DDB2: variants seen among roughly 807,000 people sequenced by gnomAD.
DDB2 encodes DNA damage-binding protein 2.
DDB2 carries 27 observed loss-of-function variants against 50.5 expected under a neutral mutation model. The ratio of observed to expected loss-of-function variants is 0.53; its 90% CI spans 0.39 to 0.74. The LOEUF is 0.74. Ranked by LOEUF, DDB2 falls within the 30% of genes least tolerant of loss-of-function variation. DDB2 has a pLI of 0.00. For synonymous variants in DDB2, 176 were observed against 205.5 expected (o/e 0.86, Z 1.23); for missense variants, 424 against 545.6 (o/e 0.78, Z 2.22).
intron 3 of DDB2, among the ~76,000 whole-genome samples, chr11:47,228,888 C>T (rs1388002889): frequency 3.6e-5 from 5 of 137,996 alleles, no homozygotes; most frequent in Non-Finnish European, 7.6e-5. Context: ...ACCCAGGAGG[C>T]GGAGGTTGCA....
intron 9 of DDB2, among the ~76,000 whole-genome samples, chr11:47,238,584 G>A (rs1450987480): frequency 1.3e-5 from 2 of 152,058 alleles, no homozygotes; most frequent in Non-Finnish European, 2.9e-5. Context: ...ATTTTTAGTA[G>A]AGACAGGGTT....
chr11:47,230,931 A>C (rs1953637991), intron 3 of DDB2, among the ~76,000 whole-genome samples: 1 of 151,748 alleles, frequency 6.6e-6, no homozygotes, highest in Admixed American at 6.6e-5. Flanking sequence ...GACCAGCCTG[A>C]CCAACATGGT....
At chr11:47,215,400 C>T (rs1213708282) in intron 1 of DDB2, 137 bp downstream of exon 1, 1 of 1,307,756 alleles carries the variant, frequency 7.6e-7, no homozygotes, top group African/African-American at 1.4e-5. Context: ...ATTCTACCTG[C>T]AGGTCCTTTG....
At chr11:47,233,970 A>G (rs1406640472) in intron 4 of DDB2, among the ~76,000 whole-genome samples, 1 of 152,228 alleles carries the variant, frequency 6.6e-6, no homozygotes, top group Non-Finnish European at 1.5e-5. Flanking sequence ...AAGGCAGTGT[A>G]GCATGGATTT....
chr11:47,218,150 C>G (rs1352258288), intron 3 of DDB2, among the ~76,000 whole-genome samples: 1 of 152,202 alleles, frequency 6.6e-6, no homozygotes, highest in Non-Finnish European at 1.5e-5. Flanking sequence ...TCCCACTCCT[C>G]CACCGTCATT....
chr11:47,223,438 G>C (rs1027835491), intron 3 of DDB2, among the ~76,000 whole-genome samples: 3 of 151,426 alleles, frequency 2.0e-5, no homozygotes, highest in Admixed American at 6.6e-5. Flanking sequence ...AGCCGAGATG[G>C]TGTCACTGCA....
At chr11:47,229,466 G>C (rs965995129) in intron 3 of DDB2, among the ~76,000 whole-genome samples, 1 of 152,134 alleles carries the variant, frequency 6.6e-6, no homozygotes, top group African/African-American at 2.4e-5. Context: ...TGTGCCCTCG[G>C]GAGGGTAAAA....
chr11:47,226,734 C>CTTTTTTT (rs542832519), intron 3 of DDB2, among the ~76,000 whole-genome samples: 1 of 124,656 alleles, frequency 8.0e-6, no homozygotes, highest in African/African-American at 3.4e-5. Flanking sequence ...AGTCCTTTGC[C>CTTTTTTT]TTTTTTTTTT....
rs544812818 is a variant in DDB2 at position 47,222,313 on chromosome 11, A to G, written c.456+5264A>G. ...GTTTCAGTATAATTATTTGAAATTT[A>G]TCTACATTTTTATGTGTAGTTTTTT... On this transcript the variant is annotated intron_variant, in intron 3 of 9. Coordinates refer to ENST00000256996, the MANE Select transcript of DDB2 (RefSeq NM_000107.3). Among the ~76,000 whole-genome samples, 4 of 152,088 alleles carry G rather than the reference A, an allele frequency of 2.6e-5. No individual in the cohort carries two copies. In the South Asian group the frequency reaches 8.3e-4, roughly 32 times the overall value.
chr11:47,215,374 G>T lies in DDB2; in HGVS notation c.127+111G>T. ...CTCCCGAGGCCCGCGCAGGTCACGG[G>T]TGCCTCCGGCTGTGCATTCTACCTG... On this transcript the variant is annotated intron_variant, in intron 1 of 9. Coordinates refer to ENST00000256996, the MANE Select transcript of DDB2 (RefSeq NM_000107.3). 9 of 1,561,916 alleles carry T rather than the reference G, an allele frequency of 5.8e-6. No homozygotes were observed. In the South Asian group the frequency reaches 1.0e-4, roughly 17 times the overall value.
rs1445132521 is a variant in DDB2, at chr11:47,234,635, T to C, written c.665T>C (p.Val222Ala). The C allele has an allele frequency of 1.2e-6, 2 of 1,613,948 alleles. No homozygotes were observed. The highest frequency in any genetic ancestry group is 1.7e-6 in the Non-Finnish European group (2 of 1,180,004). Residue 222 changes from valine (V) to alanine (A), a missense_variant, in exon 5 of 10, where the codon GTG becomes GCG. Val to Ala is a moderately conservative substitution (Grantham distance 64). Coordinates refer to ENST00000256996, the MANE Select transcript of DDB2 (RefSeq NM_000107.3). ...CGAATGGTGGTCACAGGAGACAACG[T>C]GGGGAACGTGATCCTGCTGAACATG... ...SSRMVVTGDN[V>A]GNVILLNMDG... is the part of the protein sequence containing the mutation.
Position 47,235,412 on chromosome 11 carries a change from G to A in DDB2, c.1023G>A (p.Lys341=). Residue 341 remains lysine, a splice_region_variant and synonymous_variant, in exon 7 of 10, where the codon AAG becomes AAA. Transcript: ENST00000256996. Reference sequence around the variant, plus strand: ...ACTTCCAGCACCTCACACCCATCAAGGTGAGTGGCGGTGGGAAGGAGCTCG... The same window carrying A: ...ACTTCCAGCACCTCACACCCATCAAAGTGAGTGGCGGTGGGAAGGAGCTCG... The part of the protein sequence containing the change: ...HRHFQHLTPI[K]AAWHPRYNLI... 1 of 1,611,474 alleles carries A rather than the reference G, an allele frequency of 6.2e-7. No individual in the cohort carries two copies. The highest frequency in any genetic ancestry group is 1.3e-5 in the African/African-American group (1 of 75,060).
chr11:47,229,556 A>C (rs1953613097), intron 3 of DDB2, among the ~76,000 whole-genome samples: 1 of 152,124 alleles, frequency 6.6e-6, no homozygotes, highest in African/African-American at 2.4e-5. Flanking sequence ...ATACAAGGAG[A>C]TTAATCAAAT....
Position 47,237,885 on chromosome 11 carries a change from G to A in DDB2, c.1072G>A (p.Asp358Asn). Residue 358 changes from aspartate (D) to asparagine (N), a missense_variant, in exon 8 of 10, where the codon GAT becomes AAT. Asp to Asn is a conservative substitution (Grantham distance 23, BLOSUM62 1). Transcript: ENST00000256996. ...CCTCATTGTTGTGGGCCGATACCCA[G>A]ATCCTAATTTCAAAAGTTGTACCCC... ...YNLIVVGRYPDPNFKSCTPYE... is the reference protein window; with the variant it reads ...YNLIVVGRYPNPNFKSCTPYE... 5.0e-6 allele frequency: 8 copies of A among 1,614,136 alleles called. No individual in the cohort carries two copies. The highest frequency in any genetic ancestry group is 6.8e-6 in the Non-Finnish European group (8 of 1,180,016).
At position 47,217,040 on chromosome 11, in the gene DDB2, C is replaced by A. The variant is rs1264050439; in HGVS notation, c.447C>A (p.Phe149Leu). 6.2e-7 allele frequency: 1 copy of A among 1,613,802 alleles called. No individual in the cohort carries two copies. The highest frequency in any genetic ancestry group is 2.2e-5 in the East Asian group (1 of 44,892). ...TTGGCATCAAGGACAAACCCACCTT[C>A]ATCAAAGGGGTGAGCAGTTCCCCAT... ...WNFGIKDKPTFIKGIGAGGSI... is the reference protein window; with the variant it reads ...WNFGIKDKPTLIKGIGAGGSI... Residue 149 changes from phenylalanine (F) to leucine (L), a missense_variant, in exon 3 of 10, where the codon TTC becomes TTA. Coordinates refer to ENST00000256996, the MANE Select transcript of DDB2 (RefSeq NM_000107.3).
At chr11:47,215,553 A>G (rs1010454854) in intron 1 of DDB2, 2 of 438,844 alleles carry the variant, frequency 4.6e-6, no homozygotes, top group Non-Finnish European at 8.5e-6. Flanking sequence ...AGAGAATCCT[A>G]CCTTTCCTGG....
In DDB2 at chr11:47,232,923, A is replaced by G. The variant is rs1177088712; in HGVS notation, c.566A>G (p.Asn189Ser). The change falls in exon 4 of 10, where the codon AAC becomes AGC. Residue 189 changes from asparagine to serine, a missense_variant. Coordinates refer to ENST00000256996, the MANE Select transcript of DDB2 (RefSeq NM_000107.3). ...GTTRLQDFKG[N>S]ILRVFASSDT... ...ACTAGGCTGCAAGACTTTAAAGGCA[A>G]CATTCTACGAGTTTTTGCCAGCTCA... 1 of 1,614,224 alleles carries G rather than the reference A, an allele frequency of 6.2e-7. No individual in the cohort carries two copies. Among genetic ancestry groups the G allele is most frequent in the Non-Finnish European group, 8.5e-7 (1 of 1,180,030 alleles).
At chr11:47,227,501 C>T (rs1953577770) in intron 3 of DDB2, among the ~76,000 whole-genome samples, 1 of 151,066 alleles carries the variant, frequency 6.6e-6, no homozygotes, top group Admixed American at 6.6e-5. Flanking sequence ...CTTTTGATGC[C>T]TGAATTTTTT....
rs200221945 is a variant in DDB2 at position 47,235,527 on chromosome 11, T to C, written c.1023+115T>C. 24 of 1,124,862 alleles carry C rather than the reference T, an allele frequency of 2.1e-5. No individual in the cohort carries two copies. The East Asian group carries it at 6.2e-4, about 29-fold the overall frequency. The allele number at this position is 1,124,862 out of a possible 1,614,324, so 69.7% of individuals were successfully genotyped here. ...TAAGCCTGCCACCCCAGATCGCTCC[T>C]GGCCCGAGCACAGAGCATCTCTTAC... On this transcript the variant is annotated intron_variant, in intron 7 of 9. Coordinates refer to ENST00000256996, the MANE Select transcript of DDB2 (RefSeq NM_000107.3).
Sources: gnomAD v4.1 joint callset for allele counts (sites outside exome capture counted in the v4.1 genomes callset) on GRCh38, gnomAD v4.1.1 for gene constraint, MANE v1.5 for transcripts, NCBI Gene and HGNC (gene_info 2026-07-23, HGNC 2026-07-21) for gene names.